Variants in GRAMD4 observed in about 807,000 individuals in gnomAD.
The protein encoded by GRAMD4 is GRAM domain-containing protein 4.
Under a neutral mutation model 83.9 loss-of-function variants are expected in GRAMD4, and 25 were observed. The observed-to-expected ratio is 0.30, with a 90% CI of 0.22 to 0.42. The LOEUF (loss-of-function observed/expected upper bound fraction) is 0.42. Among genes scored for constraint, GRAMD4 ranks in the 10% least tolerant of loss-of-function variants. The pLI, the probability that GRAMD4 is intolerant of heterozygous loss-of-function variation, is 1.00. For missense variants in GRAMD4, 593 were observed against 788.7 expected, an observed-to-expected ratio of 0.75 and a Z score of 2.97; for synonymous variants, 336 against 320.9, an observed-to-expected ratio of 1.05 and a Z score of -0.50.
rs188449300 is a variant in GRAMD4 at position 46,633,150 on chromosome 22, A to T, written c.163-4690A>T. Among the ~76,000 whole-genome samples, 3 of 152,266 alleles carry T rather than the reference A, an allele frequency of 2.0e-5. No individual in the cohort carries two copies. The East Asian group carries it at 5.8e-4, about 29-fold the overall frequency. The stretch of plus-strand genomic sequence containing the variant: ...GTGGCACGGTCCAACTGTTTTCCCC[A>T]GGCCTCCCCGAAAGTATGCCACAGC... On this transcript the variant is annotated intron_variant, in intron 2 of 18. Coordinates refer to ENST00000406902, the MANE Select transcript of GRAMD4 (RefSeq NM_015124.5).
At chr22:46,628,491 T>TGTG (rs397745708) in intron 2 of GRAMD4, among the ~76,000 whole-genome samples, 1 of 70,838 alleles carries the variant, frequency 1.4e-5, no homozygotes, top group African/African-American at 7.6e-5. Flanking sequence ...ACTGAGTGCG[T>TGTG]TGGTGTCTGA....
At chr22:46,675,127 CAG>C (rs1232514601) in intron 16 of GRAMD4, among the ~76,000 whole-genome samples, 1 of 151,996 alleles carries the variant, frequency 6.6e-6, no homozygotes, top group Non-Finnish European at 1.5e-5. Flanking sequence ...GTGTCTCACT[CAG>C]AGCAGTGGCT....
In GRAMD4 at chr22:46,620,575, AG is replaced by A; in HGVS notation, c.-50+15del. 7.7e-4 allele frequency: 2 copies of A among 2,582 alleles called. No homozygotes were observed. Among genetic ancestry groups the A allele is most frequent in the Non-Finnish European group, 1.5e-3 (2 of 1,360 alleles). 0.2% of individuals were successfully genotyped at this position (2,582 alleles called of 1,614,324 possible). On this transcript the variant is annotated intron_variant, in intron 1 of 18. Coordinates refer to ENST00000406902, the MANE Select transcript of GRAMD4 (RefSeq NM_015124.5). The surrounding 1 kb of genome is among the most constrained non-coding windows in gnomAD (Gnocchi z 4.7). ...TCTGAGACAGACGGAGGTAGGGGGC[AG>A]GGGGCAGGGGGCAGGGGGACATGGT... is the stretch of plus-strand genomic sequence containing the variant.
intron 3 of GRAMD4, among the ~76,000 whole-genome samples, chr22:46,645,171 G>A (rs1190031691): frequency 1.3e-5 from 2 of 151,940 alleles, no homozygotes; most frequent in Non-Finnish European, 2.9e-5. Flanking sequence ...TATACCCCAA[G>A]CATGATGTCT....
intron 3 of GRAMD4, among the ~76,000 whole-genome samples, chr22:46,645,795 A>G (rs117094395): frequency 0.03 from 4,637 of 152,322 alleles, 100 homozygotes; most frequent in Non-Finnish European, 0.044. Context: ...ATAAATTAAA[A>G]GCATCATGCG....
chr22:46,584,622 C>A (rs561078743), intron 1 of GRAMD4, among the ~76,000 whole-genome samples: 3 of 152,142 alleles, frequency 2.0e-5, no homozygotes, highest in Admixed American at 6.5e-5. Flanking sequence ...GGAAGCAGTT[C>A]CCGATCCCTT....
In GRAMD4 at chr22:46,605,515, C is replaced by T. The variant is rs375960980; in HGVS notation, c.-49-21236C>T. 1.5e-3 allele frequency among the ~76,000 whole-genome samples: 221 copies of T among 152,358 alleles called. 3 individuals are homozygous for T. The South Asian group carries it at 0.039, about 27-fold the overall frequency. On this transcript the variant is annotated intron_variant, in intron 1 of 1. Transcript: ENST00000431155. ...TGGTAGTTCTATTTTTCGTATTTTG[C>T]GGAACCTCCATACTGTGATTCACAG... is the stretch of plus-strand genomic sequence containing the variant.
intron 3 of GRAMD4, among the ~76,000 whole-genome samples, chr22:46,649,734 T>A (rs1051419485): frequency 4.6e-5 from 7 of 152,228 alleles, no homozygotes; most frequent in Non-Finnish European, 1.0e-4. Context: ...CACATAGCGG[T>A]AAATGACACC....
At chr22:46,627,234 A>G (rs551662226) in intron 2 of GRAMD4, among the ~76,000 whole-genome samples, 1 of 152,280 alleles carries the variant, frequency 6.6e-6, no homozygotes, top group East Asian at 1.9e-4. Context: ...CTTCTCACGC[A>G]CATGTGACGC....
chr22:46,678,766 G>T lies in GRAMD4; in HGVS notation c.*1515G>T. ...TGCTGGTGTGGGTGAGGGATCCGGC[G>T]GCATGGGCTGGTTTCACCCCCTTCA... On this transcript the variant is annotated 3_prime_UTR_variant, in exon 19 of 19. Coordinates refer to ENST00000406902, the MANE Select transcript of GRAMD4 (RefSeq NM_015124.5). 1 of 985,974 alleles carries T rather than the reference G, an allele frequency of 1.0e-6. No individual in the cohort carries two copies. Among genetic ancestry groups the T allele is most frequent in the Non-Finnish European group, 1.2e-6 (1 of 829,988 alleles). 61.1% of individuals were successfully genotyped at this position (985,974 alleles called of 1,614,324 possible). A position where few individuals can be genotyped will look rare whatever the true frequency, so the allele number is the denominator to read the frequency against.
At chr22:46,598,180 C>T (rs2081280699) in intron 1 of GRAMD4, among the ~76,000 whole-genome samples, 1 of 152,106 alleles carries the variant, frequency 6.6e-6, no homozygotes, top group Non-Finnish European at 1.5e-5. Flanking sequence ...CAGGGTTTCT[C>T]CATGTTGGCC....
rs923146048 is a variant in GRAMD4, at chr22:46,678,508, G to A, written c.*1257G>A. The stretch of plus-strand genomic sequence containing the variant: ...CTGGGGCCGCCTGCGCTGGGCTGAA[G>A]GGAGGGAAAGGCGGCTTGGGCCTCC... On this transcript the variant is annotated 3_prime_UTR_variant, in exon 19 of 19. Coordinates refer to ENST00000406902, the MANE Select transcript of GRAMD4 (RefSeq NM_015124.5). The A allele has an allele frequency of 6.0e-5, 59 of 985,336 alleles. No homozygotes were observed. The highest frequency in any genetic ancestry group is 6.6e-5 in the Non-Finnish European group (55 of 829,960). 61.0% of individuals were successfully genotyped at this position (985,336 alleles called of 1,614,324 possible).
Position 46,659,509 on chromosome 22 carries a change from C to G in GRAMD4, c.404+1202C>G, listed in dbSNP as rs2082296734. Among the ~76,000 whole-genome samples the G allele has an allele frequency of 6.6e-6, 1 of 152,246 alleles. No individual in the cohort carries two copies. Among genetic ancestry groups the G allele is most frequent in the Admixed American group, 6.5e-5 (1 of 15,288 alleles). On this transcript the variant is annotated intron_variant, in intron 4 of 18. Coordinates refer to ENST00000406902, the MANE Select transcript of GRAMD4 (RefSeq NM_015124.5). The surrounding 1 kb of genome is among the most constrained non-coding windows in gnomAD (Gnocchi z 4.1). ...GCATCTCTGGGACACCCCAGCTGAGCACTGCCTGCTATGAGCGCTCCGGGG... is the reference window on the plus strand; with the variant it reads ...GCATCTCTGGGACACCCCAGCTGAGGACTGCCTGCTATGAGCGCTCCGGGG...
In GRAMD4 at chr22:46,626,046, C is replaced by T. The variant is rs539713821; in HGVS notation, c.-49-705C>T. The stretch of plus-strand genomic sequence containing the variant: ...CTGGGAGGGCTTCTGGGAGGTGGTG[C>T]GATCTGAATGTGTCTCAGAGTATGA... On this transcript the variant is annotated intron_variant, in intron 1 of 18. Transcript: ENST00000406902. Among the ~76,000 whole-genome samples, 160 of 152,294 alleles carry T rather than the reference C, an allele frequency of 1.1e-3. 1 individual carries two copies. Among genetic ancestry groups the T allele is most frequent in the African/African-American group, 3.6e-3 (151 of 41,548 alleles).
intron 1 of GRAMD4, among the ~76,000 whole-genome samples, chr22:46,612,841 C>T (rs138503): frequency 0.8 from 121,270 of 152,264 alleles, 49,014 homozygotes; most frequent in East Asian, 1. Context: ...CCTTCCCTGA[C>T]GCGGTCTCCT....
chr22:46,604,377 G>C (rs929505890), intron 1 of GRAMD4, among the ~76,000 whole-genome samples: 2 of 152,104 alleles, frequency 1.3e-5, no homozygotes, highest in Non-Finnish European at 2.9e-5. Context: ...CTCTCTCTCT[G>C]TATAAATTGT....
intron 2 of GRAMD4, among the ~76,000 whole-genome samples, chr22:46,632,825 G>A (rs555129683): frequency 6.6e-6 from 1 of 152,304 alleles, no homozygotes; most frequent in South Asian, 2.1e-4. Flanking sequence ...GGCACATGTG[G>A]ATGGAGCCGG....
chr22:46,664,368 G>A (rs906912495), intron 8 of GRAMD4, among the ~76,000 whole-genome samples: 2 of 152,234 alleles, frequency 1.3e-5, no homozygotes, highest in African/African-American at 2.4e-5. Context: ...GGACAGGGAT[G>A]TGGTGCAGCC....
intron 14 of GRAMD4, among the ~76,000 whole-genome samples, chr22:46,673,258 C>A (rs1020248254): frequency 2.0e-5 from 3 of 152,282 alleles, no homozygotes; most frequent in African/African-American, 7.2e-5. Flanking sequence ...GTGACCACTC[C>A]ATGGGGGTGC....
Sources: gnomAD v4.1 joint callset for allele counts (sites outside exome capture counted in the v4.1 genomes callset) on GRCh38, gnomAD v4.1.1 for gene constraint, Gnocchi (gnomAD v3.1) non-coding constraint, MANE v1.5 for transcripts, NCBI Gene and HGNC (gene_info 2026-07-23, HGNC 2026-07-21) for gene names.